MIB1: variants seen among roughly 807,000 people sequenced by gnomAD.
The protein encoded by MIB1 is MIB E3 ubiquitin protein ligase 1.
A neutral mutation model predicts 124.5 loss-of-function variants in MIB1; 278 were observed. The observed-to-expected ratio is 2.23, with a 90% confidence interval of 2.02 to 2.47. MIB1 has a LOEUF of 2.47. Ranked by LOEUF, MIB1 falls within the 30% of genes most tolerant of loss-of-function variation. MIB1 has a pLI of 0.00. For synonymous variants in MIB1, 446 were observed against 429.4 expected, an observed-to-expected ratio of 1.04 and a Z score of -0.48; for missense variants, 957 against 1,254.4, an observed-to-expected ratio of 0.76 and a Z score of 3.58.
intron 12 of MIB1, among the ~76,000 whole-genome samples, chr18:21,821,625 G>A (rs1047028112): frequency 2.0e-4 from 30 of 148,504 alleles, no homozygotes; most frequent in African/African-American, 7.0e-4. Flanking sequence ...TTGAGGCAGA[G>A]TCTTGCTCTG....
chr18:21,772,847 G>A (rs901153742), intron 3 of MIB1, among the ~76,000 whole-genome samples: 4 of 152,158 alleles, frequency 2.6e-5, no homozygotes, highest in Non-Finnish European at 5.9e-5. Context: ...CTTGAACATT[G>A]CCACCAAGGC....
chr18:21,869,016 T>C lies in MIB1; in HGVS notation c.*4350T>C, dbSNP rs571348347. 2.0e-5 allele frequency: 3 copies of C among 152,558 alleles called. No homozygotes were observed. The highest frequency in any genetic ancestry group is 2.0e-4 in the Admixed American group (3 of 15,282). 9.5% of individuals were successfully genotyped at this position (152,558 alleles called of 1,614,324 possible). ...TGTCAGAGTATTACTTTTTCCAGCA[T>C]TTATTCTTATTTGTGAGTAAAGAGG... On this transcript the variant is annotated 3_prime_UTR_variant, in exon 21 of 21. Coordinates refer to ENST00000261537, the MANE Select transcript of MIB1 (RefSeq NM_020774.4).
chr18:21,739,734 C>A (rs1262856123), upstream of MIB1, among the ~76,000 whole-genome samples: 1 of 151,794 alleles, frequency 6.6e-6, no homozygotes, highest in African/African-American at 2.4e-5. Context: ...CCCCACTGCC[C>A]CCCCGCTCAT....
At chr18:21,758,433 G>C (rs548036934) in intron 1 of MIB1, among the ~76,000 whole-genome samples, 1 of 152,064 alleles carries the variant, frequency 6.6e-6, no homozygotes, top group African/African-American at 2.4e-5. Context: ...TTTGATTTGC[G>C]GTTAAAGTTG....
chr18:21,749,883 C>G (rs141752057), intron 1 of MIB1, among the ~76,000 whole-genome samples: 2,253 of 152,040 alleles, frequency 0.015, 31 homozygotes, highest in Non-Finnish European at 0.024. Context: ...CTCAGGTGAT[C>G]CACCCACCTC....
At chr18:21,854,596 C>CTTT (rs34762697) in intron 18 of MIB1, 4 of 116,300 alleles carry the variant, frequency 3.4e-5, no homozygotes, top group East Asian at 2.3e-4. Flanking sequence ...GCGTTTGCTC[C>CTTT]TTTTTTTTTT....
At chr18:21,782,982 T>C (rs55829690) in intron 6 of MIB1, among the ~76,000 whole-genome samples, 4 of 152,154 alleles carry the variant, frequency 2.6e-5, no homozygotes, top group Non-Finnish European at 4.4e-5. Context: ...ATAATTGTTA[T>C]ATCCTTTTGC....
At chr18:21,735,726 A>G (rs1012990052) in intron 1 of MIB1, among the ~76,000 whole-genome samples, 7 of 152,208 alleles carry the variant, frequency 4.6e-5, no homozygotes, top group Admixed American at 1.3e-4. Context: ...TTGCGTAGGC[A>G]GTTTTACTCT....
At chr18:21,772,555 A>G (rs944847076) in intron 3 of MIB1, among the ~76,000 whole-genome samples, 1 of 152,256 alleles carries the variant, frequency 6.6e-6, no homozygotes, top group Non-Finnish European at 1.5e-5. Context: ...CTCTAAGTAC[A>G]GTGCAAATAT....
intron 12 of MIB1, among the ~76,000 whole-genome samples, chr18:21,836,136 C>G (rs1349649310): frequency 1.3e-5 from 2 of 151,836 alleles, no homozygotes; most frequent in East Asian, 1.9e-4. Flanking sequence ...TACCCATACT[C>G]CCAGCTACTC....
At chr18:21,740,734 G>A (rs999788708), upstream of MIB1, among the ~76,000 whole-genome samples, 1 of 152,232 alleles carries the variant, frequency 6.6e-6, no homozygotes, top group Admixed American at 6.5e-5. Context: ...TCCATCGCCC[G>A]GGGCTGGGGT....
chr18:21,814,721 G>T (rs955984551), intron 10 of MIB1, among the ~76,000 whole-genome samples: 1 of 151,818 alleles, frequency 6.6e-6, no homozygotes, highest in African/African-American at 2.4e-5. Context: ...TTACAGGCAT[G>T]TGCCACCATG....
intron 1 of MIB1, among the ~76,000 whole-genome samples, chr18:21,744,172 A>C (rs936146242): frequency 6.7e-6 from 1 of 150,364 alleles, no homozygotes; most frequent in Non-Finnish European, 1.5e-5. Flanking sequence ...CAGGACTATA[A>C]TACTACTTTC....
intron 1 of MIB1, among the ~76,000 whole-genome samples, chr18:21,748,099 A>G (rs1044978086): frequency 1.7e-4 from 26 of 152,186 alleles, no homozygotes; most frequent in Non-Finnish European, 2.6e-4. Flanking sequence ...AAATTTGTCC[A>G]GTCACAAAGC....
At chr18:21,802,451 T>G (rs191473107) in intron 9 of MIB1, among the ~76,000 whole-genome samples, 86 of 152,232 alleles carry the variant, frequency 5.6e-4, no homozygotes, top group Non-Finnish European at 1.0e-3. Context: ...TTTTCCAAGG[T>G]TTTTATTATT....
chr18:21,779,551 C>A lies in MIB1; in HGVS notation c.774C>A (p.Leu258=), dbSNP rs373999084. ...IGDLVNIDLD[L]EIVQSLQHGH... The stretch of plus-strand genomic sequence containing the variant: ...ACCTGGTAAATATAGATCTCGACCT[C>A]GAAATTGTACAGTCTTTGCAGCATG... The change falls in exon 6 of 21, where the codon CTC becomes CTA. Residue 258 remains leucine, a synonymous_variant. Transcript: ENST00000261537. The A allele has an allele frequency of 1.7e-5, 28 of 1,613,860 alleles. No individual in the cohort carries two copies. The highest frequency in any genetic ancestry group is 2.4e-5 in the Non-Finnish European group (28 of 1,179,998).
chr18:21,708,724 T>C (rs115429022), intron 1 of MIB1, among the ~76,000 whole-genome samples: 2,784 of 152,210 alleles, frequency 0.018, 81 homozygotes, highest in African/African-American at 0.061. Context: ...TCAGAAAGTT[T>C]AATTCATTCA....
intron 1 of MIB1, among the ~76,000 whole-genome samples, chr18:21,762,803 TTTTAATTC>T (rs2146402844): frequency 6.6e-6 from 1 of 152,342 alleles, no homozygotes; most frequent in South Asian, 2.1e-4. Context: ...TATTTTAATC[TTTTAATTC>T]ACAGATGAAT....
chr18:21,812,275 G>T (rs2041782901), intron 10 of MIB1: 1 of 152,278 alleles, frequency 6.6e-6, no homozygotes, highest in African/African-American at 2.4e-5. Flanking sequence ...TATCTGAGGG[G>T]ACTGTGGCAG....
Sources: gnomAD v4.1 joint callset for allele counts (sites outside exome capture counted in the v4.1 genomes callset) on GRCh38, gnomAD v4.1.1 for gene constraint, MANE v1.5 for transcripts, NCBI Gene and HGNC (gene_info 2026-07-23, HGNC 2026-07-21) for gene names.